The following ASXL3 variants were observed in gnomAD, a reference collection of about 807,000 sequenced individuals.
ASXL3 encodes ASXL transcriptional regulator 3.
Under a neutral mutation model 170.6 loss-of-function variants are expected in ASXL3, and 34 were observed. That is an observed-to-expected ratio of 0.20 (90% CI 0.15 to 0.27). ASXL3 has a LOEUF of 0.27. ASXL3 is among the 10% of genes least tolerant of loss of function. ASXL3 has a pLI of 1.00. For missense variants in ASXL3, 2,592 were observed against 2,695.3 expected, an observed-to-expected ratio of 0.96 and a Z score of 0.85; for synonymous variants, 1,002 against 989.1, an observed-to-expected ratio of 1.01 and a Z score of -0.24.
intron 1 of ASXL3, among the ~76,000 whole-genome samples, chr18:33,580,948 A>G (rs896268251): frequency 6.6e-6 from 1 of 152,158 alleles, no homozygotes; most frequent in Non-Finnish European, 1.5e-5. Flanking sequence ...TGGAAATATA[A>G]TTTTCAGAAA....
intron 2 of ASXL3, among the ~76,000 whole-genome samples, chr18:33,633,694 A>T (rs1055111557): frequency 2.0e-5 from 3 of 152,116 alleles, no homozygotes; most frequent in East Asian, 1.9e-4. Context: ...TACAAAAAAA[A>T]ATTAGCTGAG....
Position 33,738,481 on chromosome 18 carries a change from G to C in ASXL3, c.1083-6G>C. On this transcript the variant is annotated splice_polypyrimidine_tract_variant and splice_region_variant and intron_variant, in intron 10 of 11. Transcript: ENST00000269197. ...GAGCAATAATTTATTTCTAATTTCT[G>C]TACAGGCTGGGCATGTCAAGAGAGG... 1 of 1,588,322 alleles carries C rather than the reference G, an allele frequency of 6.3e-7. No homozygotes were observed. The highest frequency in any genetic ancestry group is 8.6e-7 in the Non-Finnish European group (1 of 1,167,618).
At position 33,584,024 on chromosome 18, in the gene ASXL3, G is replaced by A. The variant is rs142926815; in HGVS notation, c.54+5339G>A. Among the ~76,000 whole-genome samples the A allele has an allele frequency of 5.8e-3, 884 of 152,284 alleles. 3 individuals carry two copies. The highest frequency in any genetic ancestry group is 0.02 in the South Asian group (96 of 4,820). On this transcript the variant is annotated intron_variant, in intron 1 of 11. Coordinates refer to ENST00000269197, the MANE Select transcript of ASXL3 (RefSeq NM_030632.3). ...CACCATCTGTAGGTGACACATGAGT[G>A]ATCAAGCAGGTGCTCATTTACAGAT...
chr18:33,693,131 T>C (rs1353206801), intron 8 of ASXL3, among the ~76,000 whole-genome samples: 2 of 152,170 alleles, frequency 1.3e-5, no homozygotes, highest in East Asian at 1.9e-4. Context: ...TCAGTCCATA[T>C]TGAACATTTT....
At chr18:33,666,478 C>T (rs1190833788) in intron 5 of ASXL3, among the ~76,000 whole-genome samples, 2 of 152,162 alleles carry the variant, frequency 1.3e-5, no homozygotes, top group South Asian at 2.1e-4. Context: ...GTGCAGGACA[C>T]AGCATCCATG....
In ASXL3 at chr18:33,741,731, A is replaced by G. The variant is rs574251076; in HGVS notation, c.3040-1157A>G. Among the ~76,000 whole-genome samples, 6 of 152,312 alleles carry G rather than the reference A, an allele frequency of 3.9e-5. No homozygotes were observed. The South Asian group carries it at 1.2e-3, about 32-fold the overall frequency. On this transcript the variant is annotated intron_variant, in intron 11 of 11. Coordinates refer to ENST00000269197, the MANE Select transcript of ASXL3 (RefSeq NM_030632.3). The stretch of plus-strand genomic sequence containing the variant: ...TATGTATAATCTGGAGAAAAAGGAA[A>G]CAGAATACATGGAAACACCACCAAA...
chr18:33,713,232 T>G (rs1470329884), intron 8 of ASXL3, among the ~76,000 whole-genome samples: 9 of 74,348 alleles, frequency 1.2e-4, no homozygotes, highest in Non-Finnish European at 2.1e-4. Flanking sequence ...CAAGAAGGTT[T>G]TTTTTGTTTT....
intron 1 of ASXL3, among the ~76,000 whole-genome samples, chr18:33,587,844 A>G (rs1440414179): frequency 5.9e-5 from 9 of 152,100 alleles, no homozygotes; most frequent in Non-Finnish European, 1.2e-4. Context: ...ATGATAATTT[A>G]GCTAGTTATA....
chr18:33,631,861 A>C (rs1250006301), intron 2 of ASXL3, among the ~76,000 whole-genome samples: 4 of 152,190 alleles, frequency 2.6e-5, no homozygotes, highest in Non-Finnish European at 5.9e-5. Flanking sequence ...AGAATATTTT[A>C]AACCATTTGA....
intron 1 of ASXL3, among the ~76,000 whole-genome samples, chr18:33,585,554 A>G (rs1464047496): frequency 3.3e-5 from 5 of 152,176 alleles, no homozygotes; most frequent in Admixed American, 6.5e-5. Context: ...GCAACTGACA[A>G]CACTAAATTG....
chr18:33,665,333 T>G (rs1313160800), intron 5 of ASXL3, among the ~76,000 whole-genome samples: 1 of 152,192 alleles, frequency 6.6e-6, no homozygotes, highest in Non-Finnish European at 1.5e-5. Flanking sequence ...GTATTTTGCT[T>G]TAGCTTTATA....
intron 1 of ASXL3, chr18:33,579,110 ATGTT>A (rs1265561962): frequency 2.0e-5 from 3 of 153,426 alleles, no homozygotes; most frequent in African/African-American, 7.2e-5. Flanking sequence ...GTCTGTGTGT[ATGTT>A]CGGCGTTTGT....
At chr18:33,709,127 A>G (rs2067011649) in intron 8 of ASXL3, among the ~76,000 whole-genome samples, 1 of 152,230 alleles carries the variant, frequency 6.6e-6, no homozygotes, top group South Asian at 2.1e-4. Context: ...ACATAAATAT[A>G]AAAAGCAAAT....
chr18:33,712,112 C>T (rs1054070866), intron 8 of ASXL3, among the ~76,000 whole-genome samples: 1 of 152,068 alleles, frequency 6.6e-6, no homozygotes, highest in Non-Finnish European at 1.5e-5. Context: ...GTTGTTGATG[C>T]TCCAGTTGCT....
At chr18:33,698,328 G>A (rs2066810125) in intron 8 of ASXL3, among the ~76,000 whole-genome samples, 1 of 152,114 alleles carries the variant, frequency 6.6e-6, no homozygotes, top group Non-Finnish European at 1.5e-5. Context: ...ACAGCCCCTA[G>A]AACTGTGACA....
At chr18:33,679,920 T>C (rs1049100257) in intron 7 of ASXL3, among the ~76,000 whole-genome samples, 1 of 152,058 alleles carries the variant, frequency 6.6e-6, no homozygotes, top group African/African-American at 2.4e-5. Context: ...AGAGATGTCC[T>C]TTAATAGCTT....
intron 2 of ASXL3, among the ~76,000 whole-genome samples, chr18:33,608,181 T>C (rs928887461): frequency 1.3e-5 from 2 of 151,916 alleles, no homozygotes; most frequent in Non-Finnish European, 2.9e-5. Context: ...GTTTAGTGGG[T>C]TATGTTATAT....
intron 8 of ASXL3, among the ~76,000 whole-genome samples, chr18:33,713,705 G>A (rs1382329290): frequency 6.6e-6 from 1 of 152,200 alleles, no homozygotes; most frequent in Non-Finnish European, 1.5e-5. Flanking sequence ...CTGGATAACT[G>A]CATGTATACA....
At chr18:33,727,282 G>GA (rs2067368055) in intron 8 of ASXL3, among the ~76,000 whole-genome samples, 1 of 151,694 alleles carries the variant, frequency 6.6e-6, no homozygotes, top group African/African-American at 2.4e-5. Flanking sequence ...CACAAAATAA[G>GA]AAAAAAGTGG....
Sources: gnomAD v4.1 joint callset for allele counts (sites outside exome capture counted in the v4.1 genomes callset) on GRCh38, gnomAD v4.1.1 for gene constraint, MANE v1.5 for transcripts, NCBI Gene and HGNC (gene_info 2026-07-23, HGNC 2026-07-21) for gene names.